Variants in GID4 observed in about 807,000 individuals in gnomAD.
The protein encoded by GID4 is GID complex subunit 4 homolog.
GID4 carries 7 observed loss-of-function variants against 32.4 expected under a neutral mutation model. The observed-to-expected ratio is 0.22, with a 90% CI of 0.12 to 0.41. The LOEUF is 0.41. Among genes scored for constraint, GID4 ranks in the 10% least tolerant of loss-of-function variants. The pLI, the probability that GID4 is intolerant of heterozygous loss-of-function variation, is 1.00. For synonymous variants in GID4, 166 were observed against 170.0 expected (o/e 0.98, Z 0.18); for missense variants, 309 against 400.0 (o/e 0.77, Z 1.94).
intron 4 of GID4, among the ~76,000 whole-genome samples, chr17:18,060,976 C>T (rs1002930922): frequency 6.6e-6 from 1 of 152,118 alleles, no homozygotes; most frequent in Non-Finnish European, 1.5e-5. Context: ...CTCAGGTGAT[C>T]CACCCACCTC....
chr17:18,041,583 G>A (rs1164968552), intron 1 of GID4, among the ~76,000 whole-genome samples: 5 of 152,174 alleles, frequency 3.3e-5, no homozygotes, highest in African/African-American at 9.7e-5. Context: ...TGAGAGTCGA[G>A]TATGAAGGTA....
At chr17:18,062,147 A>T (rs1248006862) in intron 5 of GID4, 172 bp downstream of exon 5, 1 of 618,404 alleles carries the variant, frequency 1.6e-6, no homozygotes, top group East Asian at 2.8e-5. Flanking sequence ...ATAAGGCCTT[A>T]TCCCTATGCA....
At position 18,061,665 on chromosome 17, in the gene GID4, C is replaced by T. The variant is rs960180625; in HGVS notation, c.709-180C>T. Among the ~76,000 whole-genome samples, 7 of 152,082 alleles carry T rather than the reference C, an allele frequency of 4.6e-5. No homozygotes were observed. Among genetic ancestry groups the T allele is most frequent in the African/African-American group, 9.7e-5 (4 of 41,404 alleles). On this transcript the variant is annotated intron_variant, in intron 4 of 5. Coordinates refer to ENST00000268719, the MANE Select transcript of GID4 (RefSeq NM_024052.5). This position sits in a 1 kb window ranked among gnomAD's most constrained non-coding sequence, Gnocchi z 4.4. ...ATAGAATACTCCAGGAGCACATGGA[C>T]GCTTTTTAGAAGTCAGGCTGAGACC... is the stretch of plus-strand genomic sequence containing the variant.
Position 18,039,656 on chromosome 17 carries a change from C to T in GID4, c.192C>T (p.Arg64=), listed in dbSNP as rs545188753. Reference sequence around the variant, plus strand: ...TCCCCGCCACCCTCCTCGGCTCCCGCGCGGCGGCGGCGGTTCCTCTCCCAC... The same window carrying T: ...TCCCCGCCACCCTCCTCGGCTCCCGTGCGGCGGCGGCGGTTCCTCTCCCAC... ...LSLPATLLGS[R]AAAAVPLPLP... The change falls in exon 1 of 6, where the codon CGC becomes CGT. Residue 64 remains arginine (R), a synonymous_variant. Coordinates refer to ENST00000268719, the MANE Select transcript of GID4 (RefSeq NM_024052.5). This position sits in a 1 kb window ranked among gnomAD's most constrained non-coding sequence, Gnocchi z 5.3. 32 of 1,358,378 alleles carry T rather than the reference C, an allele frequency of 2.4e-5. No individual in the cohort carries two copies. The South Asian group carries it at 3.5e-4, about 15-fold the overall frequency. 84.1% of individuals were successfully genotyped at this position (1,358,378 alleles called of 1,614,324 possible). A position where few individuals can be genotyped will look rare whatever the true frequency, so the allele number is the denominator to read the frequency against.
chr17:18,054,205 G>A lies in GID4; in HGVS notation c.577G>A (p.Ala193Thr). ...KHPFLTRKWD[A>T]DEDVDRKHWG... ...CCCTTTCTTAACTCGCAAGTGGGAT[G>A]CAGATGAAGATGTTGATCGGAAACA... is the stretch of plus-strand genomic sequence containing the variant. The change falls in exon 3 of 6, where the codon GCA (alanine) becomes ACA (threonine). Residue 193 changes from alanine to threonine, a missense_variant. Physicochemically the swap from Ala to Thr is moderately conservative, Grantham distance 58 (BLOSUM62 0). Transcript: ENST00000268719. 6.2e-7 allele frequency: 1 copy of A among 1,611,702 alleles called. No individual in the cohort carries two copies. The highest frequency in any genetic ancestry group is 8.5e-7 in the Non-Finnish European group (1 of 1,177,982).
chr17:18,057,275 TATAAAA>T (rs2145568234), intron 3 of GID4: 1 of 409,056 alleles, frequency 2.4e-6, no homozygotes, highest in East Asian at 5.2e-5. Flanking sequence ...CTACCAAAAA[TATAAAA>T]ATTAACCAGG....
At chr17:18,064,211 T>C (rs1028336383) in intron 5 of GID4, among the ~76,000 whole-genome samples, 46 of 152,280 alleles carry the variant, frequency 3.0e-4, no homozygotes, top group African/African-American at 1.0e-3. Flanking sequence ...CATACGGTAT[T>C]GCTATATTTA....
intron 2 of GID4, 131 bp downstream of exon 2, chr17:18,045,337 T>C (rs952291352): frequency 6.9e-6 from 4 of 579,458 alleles, no homozygotes; most frequent in Admixed American, 6.3e-5. Context: ...GCATTGCTAC[T>C]GTATAGGGAA....
intron 2 of GID4, among the ~76,000 whole-genome samples, chr17:18,048,002 G>A (rs1267600403): frequency 6.6e-6 from 1 of 151,448 alleles, no homozygotes; most frequent in East Asian, 1.9e-4. Flanking sequence ...CTGGGTTCAC[G>A]CCATTCTCCT....
rs960982824 is a variant in GID4, at chr17:18,066,392, G to C, written c.*1149G>C. On this transcript the variant is annotated 3_prime_UTR_variant, in exon 6 of 6. Coordinates refer to ENST00000268719, the MANE Select transcript of GID4 (RefSeq NM_024052.5). ...GAAAACAGTGACTCTGAAATGTTGGGACAGGGGAAGGGGTGGGAAACATGA... is the reference window on the plus strand; with the variant it reads ...GAAAACAGTGACTCTGAAATGTTGGCACAGGGGAAGGGGTGGGAAACATGA... 6.6e-6 allele frequency: 1 copy of C among 152,592 alleles called. No individual in the cohort carries two copies. The highest frequency in any genetic ancestry group is 2.4e-5 in the African/African-American group (1 of 41,418). The allele number at this position is 152,592 out of a possible 1,614,324, so 9.5% of individuals were successfully genotyped here.
At chr17:18,054,915 T>C (rs992945301) in intron 3 of GID4, among the ~76,000 whole-genome samples, 1 of 152,204 alleles carries the variant, frequency 6.6e-6, no homozygotes, top group Non-Finnish European at 1.5e-5. Context: ...CTTGCGCCTG[T>C]AATCCCAGCA....
At position 18,065,748 on chromosome 17, in the gene GID4, G is replaced by A. The variant is rs372995336; in HGVS notation, c.*505G>A. ...GGAGTTGGCCAGCTGCCGCATCATC[G>A]GCCACCAAGGGCACAAGAGGCGGAG... On this transcript the variant is annotated 3_prime_UTR_variant, in exon 6 of 6. Transcript: ENST00000268719. 2.1e-5 allele frequency: 4 copies of A among 190,330 alleles called. No individual in the cohort carries two copies. The highest frequency in any genetic ancestry group is 4.8e-5 in the African/African-American group (2 of 42,016). The allele number at this position is 190,330 out of a possible 1,614,324, so 11.8% of individuals were successfully genotyped here.
At chr17:18,057,919 C>G (rs886897514) in intron 3 of GID4, among the ~76,000 whole-genome samples, 2 of 152,046 alleles carry the variant, frequency 1.3e-5, no homozygotes, top group Non-Finnish European at 2.9e-5. Context: ...TTGCAAGCTC[C>G]GCCTCCCGGG....
chr17:18,057,135 A>G, intron 3 of GID4: 1 of 1,375,824 alleles, frequency 7.3e-7, no homozygotes, highest in Non-Finnish European at 9.7e-7. Flanking sequence ...ACATAGGATA[A>G]AAATGTCTAT....
intron 2 of GID4, among the ~76,000 whole-genome samples, chr17:18,052,451 G>T (rs1342795577): frequency 6.6e-6 from 1 of 152,158 alleles, no homozygotes; most frequent in Non-Finnish European, 1.5e-5. Flanking sequence ...TCAGAATGAG[G>T]TTTTTGATGC....
rs1229842844 is a variant in GID4 at position 18,061,005 on chromosome 17, G to C, written c.709-840G>C. Among the ~76,000 whole-genome samples the C allele has an allele frequency of 1.3e-5, 2 of 152,144 alleles. No homozygotes were observed. The highest frequency in any genetic ancestry group is 2.9e-5 in the Non-Finnish European group (2 of 67,996). On this transcript the variant is annotated intron_variant, in intron 4 of 5. Coordinates refer to ENST00000268719, the MANE Select transcript of GID4 (RefSeq NM_024052.5). The surrounding 1 kb of genome is among the most constrained non-coding windows in gnomAD (Gnocchi z 4.4). ...CCACCTCAGCCTCCCAAAGTGTTGG[G>C]ATTGCAGGCATAAGCCACCACACCC...
chr17:18,065,127 G>A (rs2045048975), intron 5 of GID4, 53 bp from the exon 6 acceptor site: 1 of 1,350,378 alleles, frequency 7.4e-7, no homozygotes, highest in South Asian at 1.2e-5. Flanking sequence ...AATGTCCTTT[G>A]CTCAGGGTGC....
intron 5 of GID4, among the ~76,000 whole-genome samples, chr17:18,064,472 G>A (rs2045043234): frequency 6.6e-6 from 1 of 151,940 alleles, no homozygotes; most frequent in Non-Finnish European, 1.5e-5. Flanking sequence ...TTTTTCCTAC[G>A]TTCTTCCACA....
At chr17:18,057,973 C>T (rs1028587229) in intron 3 of GID4, among the ~76,000 whole-genome samples, 1 of 152,028 alleles carries the variant, frequency 6.6e-6, no homozygotes, top group Non-Finnish European at 1.5e-5. Context: ...GCTGGGACTA[C>T]AGGCGACCAC....
Sources: allele counts gnomAD v4.1 joint callset (sites outside exome capture counted in the v4.1 genomes callset), GRCh38; gene constraint gnomAD v4.1.1; non-coding constraint Gnocchi (gnomAD v3.1); transcripts MANE v1.5; gene names NCBI Gene and HGNC (gene_info 2026-07-23, HGNC 2026-07-21).